VPS50: variants seen among roughly 807,000 people sequenced by gnomAD.
VPS50 encodes the protein syndetin.
Under a neutral mutation model 139.7 loss-of-function variants are expected in VPS50, and 70 were observed. That is an observed-to-expected ratio of 0.50 (90% CI 0.41 to 0.61). The LOEUF is 0.61. VPS50 is among the 20% of genes least tolerant of loss of function. VPS50 has a pLI of 0.00. For missense variants in VPS50, 921 were observed against 1,133.7 expected (o/e 0.81, Z 2.69); for synonymous variants, 365 against 376.7 (o/e 0.97, Z 0.36).
At chr7:93,260,014 G>C (rs1033263430) in intron 9 of VPS50, among the ~76,000 whole-genome samples, 8 of 152,080 alleles carry the variant, frequency 5.3e-5, no homozygotes, top group Admixed American at 2.6e-4. Context: ...GCTTGTTTTG[G>C]AGATCCAGAT....
chr7:93,251,155 T>C (rs931926850), intron 2 of VPS50, among the ~76,000 whole-genome samples: 3 of 152,208 alleles, frequency 2.0e-5, no homozygotes, highest in Non-Finnish European at 4.4e-5. Flanking sequence ...GAAATACCAT[T>C]TGACCGAGCA....
At chr7:93,344,136 T>A (rs1798312401) in intron 23 of VPS50, among the ~76,000 whole-genome samples, 1 of 151,824 alleles carries the variant, frequency 6.6e-6, no homozygotes, top group Non-Finnish European at 1.5e-5. Context: ...TGGAGGAAGA[T>A]CTACCAAGCA....
At position 93,295,407 on chromosome 7, in the gene VPS50, C is replaced by T. The variant is rs554185915; in HGVS notation, c.1167+771C>T. On this transcript the variant is annotated intron_variant, in intron 14 of 27. Coordinates refer to ENST00000305866, the MANE Select transcript of VPS50 (RefSeq NM_017667.4). ...TTTAATCATCTCACAAAGGCCCCAC[C>T]TTCTAATATATTATCACCTTGGAGG... The T allele has an allele frequency of 3.9e-5, 6 of 152,296 alleles. No homozygotes were observed. In the East Asian group the frequency reaches 1.2e-3, roughly 29 times the overall value. 9.4% of individuals were successfully genotyped at this position (152,296 alleles called of 1,614,324 possible). A position where few individuals can be genotyped will look rare whatever the true frequency, so the allele number is the denominator to read the frequency against.
At chr7:93,324,540 G>C (rs1797712234) in intron 21 of VPS50, among the ~76,000 whole-genome samples, 1 of 152,170 alleles carries the variant, frequency 6.6e-6, no homozygotes, top group Non-Finnish European at 1.5e-5. Context: ...CATCTATTGA[G>C]ATAATCGTGG....
At chr7:93,287,461 G>A (rs1383811812) in intron 12 of VPS50, among the ~76,000 whole-genome samples, 3 of 150,196 alleles carry the variant, frequency 2.0e-5, no homozygotes, top group Admixed American at 6.6e-5. Flanking sequence ...ATAATGAGCT[G>A]GACAGTGGTT....
At chr7:93,354,880 A>G (rs1332742478) in intron 26 of VPS50, among the ~76,000 whole-genome samples, 3 of 152,112 alleles carry the variant, frequency 2.0e-5, no homozygotes, top group Non-Finnish European at 4.4e-5. Flanking sequence ...GAATATTCAC[A>G]CTATCATTTG....
intron 22 of VPS50, among the ~76,000 whole-genome samples, chr7:93,338,935 C>T (rs1475322812): frequency 6.6e-6 from 1 of 151,986 alleles, no homozygotes; most frequent in South Asian, 2.1e-4. Flanking sequence ...TAGTAACATC[C>T]GGAAGGAACA....
chr7:93,323,870 A>C (rs1797690783), intron 21 of VPS50, 138 bp downstream of exon 21: 1 of 384,208 alleles, frequency 2.6e-6, no homozygotes, highest in African/African-American at 2.1e-5. Flanking sequence ...AATTATTGAT[A>C]TCAGCCTTCT....
At chr7:93,247,187 T>C (rs2116802675) in intron 2 of VPS50, among the ~76,000 whole-genome samples, 1 of 152,084 alleles carries the variant, frequency 6.6e-6, no homozygotes, top group South Asian at 2.1e-4. Flanking sequence ...GAATTCTGCT[T>C]GGTTTATTAC....
chr7:93,305,812 CTT>C lies in VPS50; in HGVS notation c.1453-11_1453-10del, dbSNP rs1052927459. On this transcript the variant is annotated splice_polypyrimidine_tract_variant and intron_variant, in intron 17 of 27. Transcript: ENST00000305866. ...ATTGTTGCTAAAGGGTATCTGGCTC[CTT>C]TTTTAACATCTAGGAATTTAAATTC... 6.2e-7 allele frequency: 1 copy of C among 1,607,716 alleles called. No homozygotes were observed. Among genetic ancestry groups the C allele is most frequent in the African/African-American group, 1.3e-5 (1 of 74,642 alleles).
chr7:93,245,449 G>A (rs1054705359), intron 2 of VPS50, among the ~76,000 whole-genome samples: 5 of 151,788 alleles, frequency 3.3e-5, no homozygotes, highest in African/African-American at 1.2e-4. Flanking sequence ...AGTGTCTGAT[G>A]AGATGTTCGA....
At chr7:93,276,122 T>C in intron 11 of VPS50, 43 bp from the exon 12 acceptor site, 1 of 1,496,588 alleles carries the variant, frequency 6.7e-7, no homozygotes, top group Non-Finnish European at 9.0e-7. Context: ...TTTATTTATT[T>C]TAATAATGTG....
intron 21 of VPS50, among the ~76,000 whole-genome samples, chr7:93,325,582 A>C (rs1797745391): frequency 6.6e-6 from 1 of 152,066 alleles, no homozygotes; most frequent in African/African-American, 2.4e-5. Context: ...AGAATCTACA[A>C]TGAACTCAAA....
chr7:93,274,535 T>C (rs2116889822), intron 11 of VPS50, among the ~76,000 whole-genome samples: 1 of 152,104 alleles, frequency 6.6e-6, no homozygotes, highest in East Asian at 1.9e-4. Flanking sequence ...TGAGACCACC[T>C]GCTCAGAAAA....
intron 6 of VPS50, 125 bp from the exon 7 acceptor site, chr7:93,258,034 T>C: frequency 1.7e-6 from 1 of 587,532 alleles, no homozygotes; most frequent in Middle Eastern, 4.6e-4. Flanking sequence ...TGTCAAATAG[T>C]AGTTTAAATC....
intron 1 of VPS50, among the ~76,000 whole-genome samples, chr7:93,233,119 C>CT (rs1449099801): frequency 4.6e-5 from 7 of 152,096 alleles, no homozygotes; most frequent in East Asian, 1.9e-4. Flanking sequence ...CTGATCTTTT[C>CT]TTTTTTTTCC....
At chr7:93,272,921 C>T in intron 11 of VPS50, 188 bp downstream of exon 11, 5 of 388,096 alleles carry the variant, frequency 1.3e-5, no homozygotes, top group Non-Finnish European at 2.3e-5. Context: ...GTGGTTAAAA[C>T]ATTACAGTAG....
At chr7:93,286,131 G>T (rs1380720335) in intron 12 of VPS50, among the ~76,000 whole-genome samples, 1 of 152,080 alleles carries the variant, frequency 6.6e-6, no homozygotes, top group African/African-American at 2.4e-5. Flanking sequence ...AAGAGTAGCA[G>T]TGGAAAATAG....
In VPS50 at chr7:93,359,567, GTTCT is replaced by G. The variant is rs958196227; in HGVS notation, c.*1136_*1139del. On this transcript the variant is annotated 3_prime_UTR_variant, in exon 28 of 28. Transcript: ENST00000305866. ...CTGTCTGATAAGGAATTTTGTGTGT[GTTCT>G]TTCTGACTGGAGAGTGGAGGACATC... The G allele has an allele frequency of 6.6e-6, 1 of 152,184 alleles. No individual in the cohort carries two copies. The highest frequency in any genetic ancestry group is 1.5e-5 in the Non-Finnish European group (1 of 68,004). The allele number at this position is 152,184 out of a possible 1,614,324, so 9.4% of individuals were successfully genotyped here.
Sources: gnomAD v4.1 joint callset for allele counts (sites outside exome capture counted in the v4.1 genomes callset) on GRCh38, gnomAD v4.1.1 for gene constraint, MANE v1.5 for transcripts, NCBI Gene and HGNC (gene_info 2026-07-23, HGNC 2026-07-21) for gene names.